The following HIBADH variants were observed in gnomAD, a reference collection of about 807,000 sequenced individuals.
HIBADH encodes 3-hydroxyisobutyrate dehydrogenase, mitochondrial.
In HIBADH, 25 loss-of-function variants were observed where a neutral mutation model predicts 36.1. The ratio of observed to expected loss-of-function variants is 0.69; its 90% CI spans 0.50 to 0.97. The LOEUF is 0.97. Among genes scored for constraint, HIBADH ranks in the 50% least tolerant of loss-of-function variants. The pLI, the probability that HIBADH is intolerant of heterozygous loss-of-function variation, is 0.00. For missense variants in HIBADH, 421 were observed against 418.0 expected (o/e 1.01, Z -0.06); for synonymous variants, 160 against 149.5 (o/e 1.07, Z -0.51).
At chr7:27,571,006 T>C (rs1476621839) in intron 4 of HIBADH, among the ~76,000 whole-genome samples, 1 of 152,168 alleles carries the variant, frequency 6.6e-6, no homozygotes, top group African/African-American at 2.4e-5. Context: ...TTTTTCTTTC[T>C]AGCTTTCTAT....
chr7:27,534,593 G>A (rs533047275), intron 6 of HIBADH, among the ~76,000 whole-genome samples: 1 of 152,134 alleles, frequency 6.6e-6, no homozygotes, highest in East Asian at 1.9e-4. Flanking sequence ...TTATTTATCT[G>A]ACAAATCTTC....
At chr7:27,542,325 G>C (rs1784162870) in intron 5 of HIBADH, among the ~76,000 whole-genome samples, 1 of 151,436 alleles carries the variant, frequency 6.6e-6, no homozygotes, top group South Asian at 2.1e-4. Flanking sequence ...ATTAGATGGA[G>C]GAAAATAGCA....
chr7:27,558,138 T>C (rs1330192926), intron 4 of HIBADH, among the ~76,000 whole-genome samples: 2 of 152,188 alleles, frequency 1.3e-5, no homozygotes, highest in Non-Finnish European at 2.9e-5. Flanking sequence ...TTTCTATTTT[T>C]CTTGGTGAAA....
At chr7:27,536,935 C>A (rs1446981088) in intron 6 of HIBADH, among the ~76,000 whole-genome samples, 2 of 152,168 alleles carry the variant, frequency 1.3e-5, no homozygotes, top group African/African-American at 4.8e-5. Flanking sequence ...AAATAAAATT[C>A]TAAACATACA....
At chr7:27,585,193 A>T (rs956460614) in intron 4 of HIBADH, among the ~76,000 whole-genome samples, 1 of 151,942 alleles carries the variant, frequency 6.6e-6, no homozygotes, top group Admixed American at 6.6e-5. Context: ...ATATGCACAC[A>T]CATATGTATG....
At chr7:27,538,745 A>G (rs1318294907) in intron 5 of HIBADH, among the ~76,000 whole-genome samples, 1 of 152,156 alleles carries the variant, frequency 6.6e-6, no homozygotes, top group Non-Finnish European at 1.5e-5. Flanking sequence ...AAATGGGAGT[A>G]ATATGCTGTA....
intron 4 of HIBADH, among the ~76,000 whole-genome samples, chr7:27,566,098 A>T (rs1355833106): frequency 6.6e-6 from 1 of 152,110 alleles, no homozygotes; most frequent in East Asian, 1.9e-4. Context: ...TTATGTGTAC[A>T]GTATAAAGAA....
At chr7:27,586,634 G>T (rs1378981129) in intron 4 of HIBADH, among the ~76,000 whole-genome samples, 1 of 151,860 alleles carries the variant, frequency 6.6e-6, no homozygotes, top group Non-Finnish European at 1.5e-5. Flanking sequence ...AGGGGAAGGG[G>T]AGAGACAGAG....
At chr7:27,550,524 TC>T (rs147796985) in intron 4 of HIBADH, among the ~76,000 whole-genome samples, 14,367 of 152,268 alleles carry the variant, frequency 0.094, 950 homozygotes, top group Non-Finnish European at 0.14. Context: ...CAATGATTTT[TC>T]ATGCACCCAT....
chr7:27,563,309 G>A (rs1223854578), intron 4 of HIBADH, among the ~76,000 whole-genome samples: 1 of 152,182 alleles, frequency 6.6e-6, no homozygotes, highest in Non-Finnish European at 1.5e-5. Context: ...TTCACCCATT[G>A]AAGGATTTTT....
intron 4 of HIBADH, among the ~76,000 whole-genome samples, chr7:27,573,055 A>T (rs1177505351): frequency 6.6e-6 from 1 of 152,206 alleles, no homozygotes; most frequent in East Asian, 1.9e-4. Flanking sequence ...CTAGGGACAG[A>T]GAAAGAAATT....
chr7:27,662,531 G>A (rs993589309), intron 1 of HIBADH, among the ~76,000 whole-genome samples, 167 bp downstream of exon 1: 1 of 152,190 alleles, frequency 6.6e-6, no homozygotes, highest in African/African-American at 2.4e-5. Context: ...CTCGCGGAGT[G>A]AGTGGCGGCC....
At chr7:27,545,517 G>A (rs546522858) in intron 4 of HIBADH, among the ~76,000 whole-genome samples, 1 of 152,222 alleles carries the variant, frequency 6.6e-6, no homozygotes, top group East Asian at 1.9e-4. Context: ...CTAGAAAGCT[G>A]CGACTCTAAA....
chr7:27,578,697 A>G (rs1034030416), intron 4 of HIBADH, among the ~76,000 whole-genome samples: 17 of 152,242 alleles, frequency 1.1e-4, no homozygotes, highest in African/African-American at 4.1e-4. Context: ...TTTTACTAAA[A>G]ATAAAACCAC....
chr7:27,566,807 G>A (rs1039854877), intron 4 of HIBADH, among the ~76,000 whole-genome samples: 3 of 152,124 alleles, frequency 2.0e-5, no homozygotes, highest in Non-Finnish European at 4.4e-5. Flanking sequence ...AGATTACTTA[G>A]GAATGTGTTA....
intron 1 of HIBADH, among the ~76,000 whole-genome samples, chr7:27,650,239 C>T (rs921275903): frequency 6.6e-6 from 1 of 150,858 alleles, no homozygotes; most frequent in Non-Finnish European, 1.5e-5. Context: ...TTTTTACCTT[C>T]CCACTCCCAC....
At chr7:27,528,069 T>C (rs12674403) in intron 7 of HIBADH, among the ~76,000 whole-genome samples, 1 of 151,768 alleles carries the variant, frequency 6.6e-6, no homozygotes, top group Non-Finnish European at 1.5e-5. Context: ...AGCCGATCAG[T>C]GATCTTTGAT....
At chr7:27,634,393 C>T (rs2059201330) in intron 2 of HIBADH, among the ~76,000 whole-genome samples, 1 of 152,008 alleles carries the variant, frequency 6.6e-6, no homozygotes. Flanking sequence ...AAAACCTTTC[C>T]TACACCTTCA....
At chr7:27,593,728 G>GA (rs891647197) in intron 4 of HIBADH, among the ~76,000 whole-genome samples, 2 of 151,552 alleles carry the variant, frequency 1.3e-5, no homozygotes, top group African/African-American at 2.4e-5. Context: ...TATGATTTAG[G>GA]AAAAAAAGGC....
Sources: gnomAD v4.1 joint callset for allele counts (sites outside exome capture counted in the v4.1 genomes callset) on GRCh38, gnomAD v4.1.1 for gene constraint, MANE v1.5 for transcripts, NCBI Gene and HGNC (gene_info 2026-07-23, HGNC 2026-07-21) for gene names.